Variants in LMX1A observed in about 807,000 individuals in gnomAD.
LMX1A encodes the protein LIM homeobox transcription factor 1 alpha, also known as LIM homeobox transcription factor 1-alpha.
Under a neutral mutation model 49.1 loss-of-function variants are expected in LMX1A, and 15 were observed. The observed-to-expected ratio is 0.31, with a 90% confidence interval of 0.20 to 0.47. The LOEUF is 0.47. LMX1A is among the 20% of genes least tolerant of loss of function. LMX1A has a pLI of 1.00. For missense variants in LMX1A, 372 were observed against 475.8 expected (o/e 0.78, Z 2.03); for synonymous variants, 167 against 185.7 (o/e 0.90, Z 0.82).
intron 3 of LMX1A, among the ~76,000 whole-genome samples, chr1:165,255,403 A>G (rs918518899): frequency 6.6e-6 from 1 of 152,208 alleles, no homozygotes; most frequent in Admixed American, 6.5e-5. Flanking sequence ...AAGCTATAAG[A>G]TGCATAACTT....
At chr1:165,306,741 A>G (rs763935251) in intron 3 of LMX1A, among the ~76,000 whole-genome samples, 1 of 152,212 alleles carries the variant, frequency 6.6e-6, no homozygotes, top group Non-Finnish European at 1.5e-5. Context: ...GGTGGCACTC[A>G]CACCACAATA....
chr1:165,224,460 A>G (rs1397531940), intron 4 of LMX1A, among the ~76,000 whole-genome samples: 2 of 152,220 alleles, frequency 1.3e-5, no homozygotes, highest in Non-Finnish European at 1.5e-5. Flanking sequence ...AGTTACAGGA[A>G]CTATGGGGTA....
rs1224618209 is a variant in LMX1A, at chr1:165,287,014, A to T, written c.264-37374T>A. 2.6e-5 allele frequency among the ~76,000 whole-genome samples: 4 copies of T among 152,326 alleles called. No homozygotes were observed. The East Asian group carries it at 7.7e-4, about 29-fold the overall frequency. On this transcript the variant is annotated intron_variant, in intron 3 of 8. Transcript: ENST00000342310. ...CTAGTCAGATTAAAATGCAGGGGGT[A>T]AATACAATGGGAATTAATATTAATA...
At chr1:165,218,639 A>C (rs1411911676) in intron 4 of LMX1A, 1 of 152,284 alleles carries the variant, frequency 6.6e-6, no homozygotes, top group Non-Finnish European at 1.5e-5. Context: ...CCATGAAAAT[A>C]TGCAGTGCCT....
rs759333268 is a variant in LMX1A, at chr1:165,355,442, C to G, written c.76+42G>C. On this transcript the variant is annotated intron_variant, in intron 2 of 8. Coordinates refer to ENST00000342310, the MANE Select transcript of LMX1A (RefSeq NM_177398.4). The surrounding 1 kb of genome is among the most constrained non-coding windows in gnomAD (Gnocchi z 4.7). ...CGGGGCTCCAGAGCTCAGCGCCAAG[C>G]GGAAAGAGAGTGCGCCCAGGACGCA... 1 of 1,600,518 alleles carries G rather than the reference C, an allele frequency of 6.2e-7. No individual in the cohort carries two copies. Among genetic ancestry groups the G allele is most frequent in the Non-Finnish European group, 8.6e-7 (1 of 1,169,458 alleles).
At chr1:165,204,428 CT>C (rs961439580) in intron 8 of LMX1A, among the ~76,000 whole-genome samples, 1 of 152,178 alleles carries the variant, frequency 6.6e-6, no homozygotes, top group African/African-American at 2.4e-5. Flanking sequence ...AAAGAAAGCT[CT>C]TTGAGTGAAG....
intron 3 of LMX1A, among the ~76,000 whole-genome samples, chr1:165,349,953 G>C (rs1656370467): frequency 6.6e-6 from 1 of 152,156 alleles, no homozygotes; most frequent in South Asian, 2.1e-4. Context: ...TTATGCCTAT[G>C]ATTGACACTG....
intron 4 of LMX1A, among the ~76,000 whole-genome samples, chr1:165,216,330 C>T (rs911751895): frequency 6.6e-6 from 1 of 152,204 alleles, no homozygotes; most frequent in Non-Finnish European, 1.5e-5. Flanking sequence ...TGGATAGACC[C>T]TATTGATCCT....
At chr1:165,228,076 T>A (rs1361555946) in intron 4 of LMX1A, among the ~76,000 whole-genome samples, 6 of 152,206 alleles carry the variant, frequency 3.9e-5, no homozygotes, top group Non-Finnish European at 8.8e-5. Flanking sequence ...TTGGAGAAGA[T>A]ATATCAAAAA....
intron 4 of LMX1A, among the ~76,000 whole-genome samples, chr1:165,248,777 C>T (rs1042924891): frequency 2.0e-5 from 3 of 152,178 alleles, no homozygotes; most frequent in African/African-American, 7.2e-5. Context: ...GGTTCCAATC[C>T]ATCATCCTCT....
At chr1:165,343,610 G>C (rs1292916599) in intron 3 of LMX1A, among the ~76,000 whole-genome samples, 1 of 152,270 alleles carries the variant, frequency 6.6e-6, no homozygotes, top group Non-Finnish European at 1.5e-5. Flanking sequence ...GTAATGGAGA[G>C]AGCTATGCAG....
chr1:165,267,643 A>G (rs972086928), intron 3 of LMX1A, among the ~76,000 whole-genome samples: 12 of 152,190 alleles, frequency 7.9e-5, no homozygotes, highest in Admixed American at 7.2e-4. Context: ...CTATTGAAAT[A>G]CCCCAGGTAA....
At chr1:165,205,506 G>A (rs1433882314) in intron 8 of LMX1A, among the ~76,000 whole-genome samples, 1 of 152,054 alleles carries the variant, frequency 6.6e-6, no homozygotes, top group Non-Finnish European at 1.5e-5. Flanking sequence ...CTTACTTTAG[G>A]TAAACGTTTG....
At chr1:165,352,501 C>T (rs1208960159) in intron 3 of LMX1A, among the ~76,000 whole-genome samples, 1 of 152,256 alleles carries the variant, frequency 6.6e-6, no homozygotes, top group Non-Finnish European at 1.5e-5. Flanking sequence ...GTGCGCTTAG[C>T]TCCGAATGGC....
chr1:165,233,856 G>A (rs1652324999), intron 4 of LMX1A, among the ~76,000 whole-genome samples: 2 of 152,140 alleles, frequency 1.3e-5, no homozygotes, highest in Non-Finnish European at 2.9e-5. Context: ...AGGGATTCAC[G>A]AAGTATTGAA....
At chr1:165,326,910 C>T (rs1283271371) in intron 3 of LMX1A, among the ~76,000 whole-genome samples, 6 of 152,168 alleles carry the variant, frequency 3.9e-5, no homozygotes, top group African/African-American at 1.4e-4. Flanking sequence ...CTGCTAAACA[C>T]CCTACAATGT....
intron 3 of LMX1A, among the ~76,000 whole-genome samples, chr1:165,274,790 G>A (rs1653912785): frequency 6.6e-6 from 1 of 152,106 alleles, no homozygotes; most frequent in Non-Finnish European, 1.5e-5. Context: ...GTGAAACACT[G>A]GTGGGAACCC....
At chr1:165,299,526 C>T (rs934507011) in intron 3 of LMX1A, among the ~76,000 whole-genome samples, 1 of 152,158 alleles carries the variant, frequency 6.6e-6, no homozygotes, top group Non-Finnish European at 1.5e-5. Context: ...AAAAGGGCAT[C>T]AAAGCCTAAA....
At chr1:165,243,880 A>C (rs1427434816) in intron 4 of LMX1A, among the ~76,000 whole-genome samples, 1 of 152,208 alleles carries the variant, frequency 6.6e-6, no homozygotes. Flanking sequence ...CATAGTGATA[A>C]GAGTATCTTT....
Sources: allele counts gnomAD v4.1 joint callset (sites outside exome capture counted in the v4.1 genomes callset), GRCh38; gene constraint gnomAD v4.1.1; non-coding constraint Gnocchi (gnomAD v3.1); transcripts MANE v1.5; gene names NCBI Gene and HGNC (gene_info 2026-07-23, HGNC 2026-07-21).